The following GK variants were observed in gnomAD, a reference collection of about 807,000 sequenced individuals.
The protein encoded by GK is glycerol kinase.
A neutral mutation model predicts 56.4 loss-of-function variants in GK; 9 were observed. The observed-to-expected ratio is 0.16, with a 90% CI of 0.10 to 0.28. GK has a LOEUF of 0.28. Ranked by LOEUF, GK falls within the 10% of genes least tolerant of loss-of-function variation. The pLI, the probability that GK is intolerant of heterozygous loss-of-function variation, is 1.00. For synonymous variants in GK, 104 were observed against 144.1 expected (o/e 0.72, Z 1.99); for missense variants, 161 against 431.4 (o/e 0.37, Z 5.55).
At chrX:30,669,088 G>C (rs1019499652) in intron 3 of GK, among the ~76,000 whole-genome samples, 1 of 110,580 alleles carries the variant, frequency 9.0e-6, no homozygotes, top group African/African-American at 3.3e-5. Flanking sequence ...TGGGGAAGGG[G>C]TATTTGGAAT....
intron 5 of GK, among the ~76,000 whole-genome samples, chrX:30,692,825 A>G (rs1262748398): frequency 9.2e-6 from 1 of 108,499 alleles, no homozygotes. Context: ...TTGAGTTAAG[A>G]TTTTTAATTT....
intron 3 of GK, 101 bp downstream of exon 3, chrX:30,668,219 C>T: frequency 1.9e-6 from 1 of 537,630 alleles, no homozygotes; most frequent in Non-Finnish European, 3.3e-6. Flanking sequence ...CAGTGCCAAG[C>T]ATTTCTATGA....
In GK at chrX:30,720,943, G is replaced by A. The variant is rs373405873; in HGVS notation, c.1449G>A (p.Glu483=). The A allele has an allele frequency of 8.3e-7, 1 of 1,209,118 alleles. No homozygotes were observed. Among genetic ancestry groups the A allele is most frequent in the African/African-American group, 1.7e-5 (1 of 57,239 alleles). ...EGVGVWSLEP[E]DLSAVTMERF... Reference sequence around the variant, plus strand: ...TCGGCGTATGGAGTCTCGAACCCGAGGATTTGTCTGCCGTCACGATGGAGC... The same window carrying A: ...TCGGCGTATGGAGTCTCGAACCCGAAGATTTGTCTGCCGTCACGATGGAGC... Residue 483 remains glutamate (E), a synonymous_variant, in exon 18 of 21, where the codon GAG becomes GAA. Coordinates refer to ENST00000427190, the MANE Select transcript of GK (RefSeq NM_001205019.2).
At chrX:30,656,599 TC>T (rs371398713) in intron 1 of GK, among the ~76,000 whole-genome samples, 160 of 109,885 alleles carry the variant, frequency 1.5e-3, no homozygotes, top group African/African-American at 5.0e-3. Context: ...TATTCAGAAT[TC>T]CCCCCCCTTC....
chrX:30,676,812 A>G (rs964064321), intron 3 of GK, among the ~76,000 whole-genome samples: 34 of 111,920 alleles, frequency 3.0e-4, no homozygotes, highest in African/African-American at 9.1e-4. Context: ...GCCTGATTCA[A>G]ATTCTTATGT....
chrX:30,676,448 G>A (rs757641410), intron 3 of GK, among the ~76,000 whole-genome samples: 4 of 112,158 alleles, frequency 3.6e-5, no homozygotes, highest in African/African-American at 1.3e-4. Context: ...TGCTTATACA[G>A]CCTTTAAGGT....
chrX:30,660,236 G>A (rs961980933), intron 1 of GK, among the ~76,000 whole-genome samples: 2 of 110,663 alleles, frequency 1.8e-5, no homozygotes, highest in African/African-American at 6.6e-5. Context: ...AGCAGTAGTA[G>A]CAGCAGTGAC....
At chrX:30,672,960 A>G (rs940439017) in intron 3 of GK, among the ~76,000 whole-genome samples, 1 of 112,310 alleles carries the variant, frequency 8.9e-6, no homozygotes, top group African/African-American at 3.2e-5. Context: ...ATTATATGTT[A>G]TGATTTTAAT....
chrX:30,657,852 T>C (rs1932412526), intron 1 of GK, among the ~76,000 whole-genome samples: 4 of 112,031 alleles, frequency 3.6e-5, no homozygotes, highest in African/African-American at 1.3e-4. Flanking sequence ...ATTAATCAAG[T>C]GTCAGTTCTG....
At chrX:30,724,493 A>G (rs778212192) in intron 19 of GK, 17 of 262,081 alleles carry the variant, frequency 6.5e-5, no homozygotes, top group Non-Finnish European at 9.0e-5. Context: ...AAAATCAACT[A>G]GAGTCTTCAT....
rs766839141 is a variant in GK at position 30,703,884 on chromosome X, C to A, written c.851+2979C>A. ...GCTGAGGCATGAAAATTGCTTGAAC[C>A]TGGGAGGTGGAGGCTGCAGTGAGCC... On this transcript the variant is annotated intron_variant, in intron 11 of 20. Transcript: ENST00000427190. Among the ~76,000 whole-genome samples, 143 of 106,611 alleles carry A rather than the reference C, an allele frequency of 1.3e-3. 1 individual carries two copies. The highest frequency in any genetic ancestry group is 4.9e-3 in the African/African-American group (142 of 28,832). 92.6% of individuals were successfully genotyped at this position (106,611 alleles called of 115,157 possible). A position where few individuals can be genotyped will look rare whatever the true frequency, so the allele number is the denominator to read the frequency against.
chrX:30,702,973 G>A (rs1266355761), intron 11 of GK, among the ~76,000 whole-genome samples: 7 of 111,832 alleles, frequency 6.3e-5, no homozygotes, highest in Non-Finnish European at 1.3e-4. Flanking sequence ...ATCTGAGTCA[G>A]CCTGAGTCTG....
intron 4 of GK, among the ~76,000 whole-genome samples, chrX:30,689,992 T>C (rs773361994): frequency 5.2e-4 from 58 of 111,945 alleles, no homozygotes; most frequent in Admixed American, 5.7e-4. Context: ...AGTTTAAGTC[T>C]TGTGGAAAGT....
chrX:30,654,878 C>A (rs920867987), intron 1 of GK, among the ~76,000 whole-genome samples: 2 of 111,992 alleles, frequency 1.8e-5, no homozygotes, highest in Admixed American at 9.4e-5. Flanking sequence ...TTCACTTTAC[C>A]GCAAATCATG....
chrX:30,702,951 A>G lies in GK; in HGVS notation c.851+2046A>G, dbSNP rs766817383. Among the ~76,000 whole-genome samples, 263 of 112,106 alleles carry G rather than the reference A, an allele frequency of 2.3e-3. 1 individual carries two copies. The highest frequency in any genetic ancestry group is 8.1e-3 in the African/African-American group (250 of 30,885). ...GCAGGTCATGGTAATCTGAGGTTAC[A>G]TGACCAAGAGCATCTGAGTCAGCCT... On this transcript the variant is annotated intron_variant, in intron 11 of 20. Coordinates refer to ENST00000427190, the MANE Select transcript of GK (RefSeq NM_001205019.2).
chrX:30,707,525 G>T, intron 11 of GK, 31 bp from the exon 12 acceptor site: 1 of 879,870 alleles, frequency 1.1e-6, no homozygotes, highest in Non-Finnish European at 1.7e-6. Context: ...CAATAAAATT[G>T]TCTTACTATT....
At chrX:30,685,935 T>A (rs1934586300) in intron 4 of GK, among the ~76,000 whole-genome samples, 1 of 112,179 alleles carries the variant, frequency 8.9e-6, no homozygotes, top group African/African-American at 3.2e-5. Flanking sequence ...CTATAAGGCT[T>A]CAGTAATTGT....
intron 16 of GK, 48 bp downstream of exon 16, chrX:30,720,143 T>C: frequency 1.3e-6 from 1 of 760,951 alleles, no homozygotes; most frequent in Non-Finnish European, 2.1e-6. Flanking sequence ...CTTTTATCAC[T>C]CTTAAGTTAT....
rs1937313307 is a variant in GK at position 30,730,711 on chromosome X, T to A, written c.*1969T>A. On this transcript the variant is annotated 3_prime_UTR_variant, in exon 21 of 21. Transcript: ENST00000427190. The stretch of plus-strand genomic sequence containing the variant: ...GCTGACGCCTGTAATCCCAGCACTT[T>A]GGGAGGCCGAGGTGGGCAGATCACC... 9.1e-6 allele frequency: 1 copy of A among 110,280 alleles called. No homozygotes were observed. The highest frequency in any genetic ancestry group is 3.3e-5 in the African/African-American group (1 of 30,300). 9.1% of individuals were successfully genotyped at this position (110,280 alleles called of 1,213,427 possible).
Sources: gnomAD v4.1 joint callset for allele counts (sites outside exome capture counted in the v4.1 genomes callset) on GRCh38, gnomAD v4.1.1 for gene constraint, MANE v1.5 for transcripts, NCBI Gene and HGNC (gene_info 2026-07-23, HGNC 2026-07-21) for gene names.